Variants in SACS observed in about 807,000 individuals in gnomAD.
SACS encodes sacsin molecular chaperone, also known as sacsin.
A neutral mutation model predicts 348.0 loss-of-function variants in SACS; 197 were observed. The observed-to-expected ratio is 0.57, with a 90% CI of 0.50 to 0.64. SACS has a LOEUF of 0.64. SACS is among the 30% of genes least tolerant of loss of function. The pLI, the probability that SACS is intolerant of heterozygous loss-of-function variation, is 0.00. For synonymous variants in SACS, 1,985 were observed against 1,910.6 expected, an observed-to-expected ratio of 1.04 and a Z score of -1.02; for missense variants, 4,999 against 5,360.8, an observed-to-expected ratio of 0.93 and a Z score of 2.11.
intron 7 of SACS, among the ~76,000 whole-genome samples, chr13:23,356,889 T>G (rs1870424914): frequency 6.6e-6 from 1 of 152,170 alleles, no homozygotes; most frequent in Admixed American, 6.5e-5. Flanking sequence ...AGCTTGTGGG[T>G]ATTTTAAGTT....
chr13:23,425,882 T>A (rs1203849232), intron 1 of SACS, among the ~76,000 whole-genome samples: 1 of 152,194 alleles, frequency 6.6e-6, no homozygotes, highest in African/African-American at 2.4e-5. Flanking sequence ...ATATACAAAA[T>A]TTTTATACAA....
chr13:23,354,686 G>A lies in SACS; in HGVS notation c.1926C>T (p.Gly642=), dbSNP rs1182099046. 1 of 1,614,124 alleles carries A rather than the reference G, an allele frequency of 6.2e-7. No individual in the cohort carries two copies. Among genetic ancestry groups the A allele is most frequent in the Admixed American group, 1.7e-5 (1 of 60,026 alleles). ...GAAGGTGAAGCTTTTCTTCAGCACA[G>A]CCCAGGTGTGCACACTTCCGCAGCA... ...RQVLRKCAHL[G]CAEEKLHLLE... is the part of the protein sequence containing the mutation. Residue 642 remains glycine (G), a synonymous_variant, in exon 8 of 10, where the codon GGC becomes GGT. Transcript: ENST00000382292.
In SACS at chr13:23,335,473, T is replaced by G. The variant is rs1382656006; in HGVS notation, c.8403A>C (p.Gln2801His). Residue 2801 changes from glutamine to histidine, a missense_variant, in exon 10 of 10, where the codon CAA becomes CAC. By Grantham distance (24) the Gln-to-His change is conservative (BLOSUM62 0). This residue lies in a region of SACS where 3,156 missense variants were observed against 3,380.1 expected (regional missense o/e 0.93). Coordinates refer to ENST00000382292, the MANE Select transcript of SACS (RefSeq NM_014363.6). This position sits in a 1 kb window ranked among gnomAD's most constrained non-coding sequence, Gnocchi z 4.7. Reference sequence around the variant, plus strand: ...CCTCAGTATCCATAGTATAGGTTATTTGTTGAACTGGTATGTCTTTGAGCT... The same window carrying G: ...CCTCAGTATCCATAGTATAGGTTATGTGTTGAACTGGTATGTCTTTGAGCT... ...KRQLKDIPVQ[Q>H]ITYTMDTEDS... The G allele has an allele frequency of 6.2e-7, 1 of 1,613,798 alleles. No individual in the cohort carries two copies. The highest frequency in any genetic ancestry group is 8.5e-7 in the Non-Finnish European group (1 of 1,179,894).
At chr13:23,368,846 C>T (rs1871210390) in intron 4 of SACS, among the ~76,000 whole-genome samples, 3 of 152,068 alleles carry the variant, frequency 2.0e-5, no homozygotes, top group African/African-American at 7.2e-5. Flanking sequence ...CTACAGGTGC[C>T]CACCACCATG....
At chr13:23,390,298 G>C (rs777387494) in intron 2 of SACS, among the ~76,000 whole-genome samples, 18 of 152,052 alleles carry the variant, frequency 1.2e-4, no homozygotes, top group Non-Finnish European at 2.5e-4. Flanking sequence ...AAAATCTTCA[G>C]TCTGTTTGAC....
At chr13:23,405,045 A>G (rs1016271239) in intron 2 of SACS, among the ~76,000 whole-genome samples, 2 of 152,214 alleles carry the variant, frequency 1.3e-5, no homozygotes, top group Admixed American at 1.3e-4. Context: ...TCTTCAAATA[A>G]TTAGAAAAAA....
Position 23,333,811 on chromosome 13 carries a change from TA to T in SACS, c.10064del (p.Ile3355LysfsTer8). On this transcript the variant is annotated frameshift_variant, in exon 10 of 10. Transcript: ENST00000382292. LOFTEE classifies it high-confidence loss of function. Reference protein sequence around the residue: ...VPLLSCHTANIESPTSILKAL... With the variant: ...VPLLSCHTANXESPTSILKAL... ...CCTTCAAGATGCTTGTGGGGCTCTCTATATTTGCTGTGTGACATGACAACAA... is the reference window on the plus strand; with the variant it reads ...CCTTCAAGATGCTTGTGGGGCTCTCTTATTTGCTGTGTGACATGACAACAA... The T allele has an allele frequency of 6.2e-7, 1 of 1,613,882 alleles. No individual in the cohort carries two copies. The highest frequency in any genetic ancestry group is 8.5e-7 in the Non-Finnish European group (1 of 1,179,832).
chr13:23,358,577 G>C, intron 6 of SACS, 96 bp from the exon 7 acceptor site: 1 of 1,354,344 alleles, frequency 7.4e-7, no homozygotes, highest in Non-Finnish European at 1.0e-6. Context: ...CTTATTCGAA[G>C]GGAAAATAGA....
rs1172279475 is a variant in SACS at position 23,340,729 on chromosome 13, T to A, written c.3147A>T (p.Ser1049=). ...TATCAGGGTCAAAGAGTTCACCAGC[T>A]GATACCATCTGTTCCTGTGATATCT... The part of the protein sequence containing the change: ...FIQISQEQMV[S]AGELFDPDIE... Residue 1049 remains serine (S), a synonymous_variant, in exon 10 of 10, where the codon TCA becomes TCT. Transcript: ENST00000382292. 1.2e-6 allele frequency: 2 copies of A among 1,600,402 alleles called. No homozygotes were observed. Among genetic ancestry groups the A allele is most frequent in the East Asian group, 4.5e-5 (2 of 44,786 alleles).
intron 1 of SACS, among the ~76,000 whole-genome samples, chr13:23,418,475 G>A (rs17387075): frequency 0.32 from 48,976 of 151,938 alleles, 8,528 homozygotes; most frequent in East Asian, 0.46. Flanking sequence ...CTCATCTGAT[G>A]TTTCCACATT....
At chr13:23,343,873 C>T (rs1196153923) in intron 9 of SACS, among the ~76,000 whole-genome samples, 1 of 152,114 alleles carries the variant, frequency 6.6e-6, no homozygotes, top group Non-Finnish European at 1.5e-5. Context: ...AACAATAAGA[C>T]ATTTAAAAAT....
intron 2 of SACS, 43 bp from the exon 3 acceptor site, chr13:23,375,312 C>T: frequency 7.3e-7 from 1 of 1,370,068 alleles, no homozygotes; most frequent in Non-Finnish European, 9.5e-7. Flanking sequence ...GCGGCTGCCA[C>T]CCGCCCGCCC....
chr13:23,381,695 T>C (rs540703935), intron 2 of SACS, among the ~76,000 whole-genome samples: 3 of 152,222 alleles, frequency 2.0e-5, no homozygotes, highest in Non-Finnish European at 4.4e-5. Flanking sequence ...AGTTTATTTA[T>C]AAAAAACAAA....
At chr13:23,423,740 A>G (rs1566113686) in intron 1 of SACS, among the ~76,000 whole-genome samples, 1 of 149,886 alleles carries the variant, frequency 6.7e-6, no homozygotes, top group South Asian at 2.1e-4. Flanking sequence ...TATTAGGCCT[A>G]TATATAAACT....
rs192413561 is a variant in SACS at position 23,406,505 on chromosome 13, G to A, written c.20+4715C>T. ...TAACAAACCCACACGTTCTGCACAT[G>A]TATCCCAAAACTTAAAGTATAATAA... On this transcript the variant is annotated intron_variant, in intron 2 of 9. Transcript: ENST00000382292. Among the ~76,000 whole-genome samples, 8 of 148,680 alleles carry A rather than the reference G, an allele frequency of 5.4e-5. No individual in the cohort carries two copies. In the East Asian group the frequency reaches 1.4e-3, roughly 26 times the overall value.
At chr13:23,377,936 A>G (rs1309530117) in intron 2 of SACS, among the ~76,000 whole-genome samples, 2 of 152,234 alleles carry the variant, frequency 1.3e-5, no homozygotes, top group African/African-American at 4.8e-5. Flanking sequence ...TGGACAGGCC[A>G]GATTCAATTA....
At chr13:23,400,922 T>C (rs1445858366) in intron 2 of SACS, among the ~76,000 whole-genome samples, 1 of 152,180 alleles carries the variant, frequency 6.6e-6, no homozygotes, top group African/African-American at 2.4e-5. Flanking sequence ...TTTCACCTTG[T>C]AAATAGAGTG....
At chr13:23,381,274 G>A (rs1386910610) in intron 2 of SACS, among the ~76,000 whole-genome samples, 1 of 151,730 alleles carries the variant, frequency 6.6e-6, no homozygotes, top group African/African-American at 2.4e-5. Flanking sequence ...GTGTCCTGAG[G>A]TCTCTCTTCA....
At chr13:23,361,970 T>G (rs1480164658) in intron 6 of SACS, among the ~76,000 whole-genome samples, 3 of 152,168 alleles carry the variant, frequency 2.0e-5, no homozygotes, top group Non-Finnish European at 4.4e-5. Context: ...GGCAAGCACA[T>G]ACACGGTGTT....
Sources: allele counts gnomAD v4.1 joint callset (sites outside exome capture counted in the v4.1 genomes callset), GRCh38; gene constraint gnomAD v4.1.1; regional missense constraint gnomAD v4.1.1; non-coding constraint Gnocchi (gnomAD v3.1); transcripts MANE v1.5; gene names NCBI Gene and HGNC (gene_info 2026-07-23, HGNC 2026-07-21).